Variants in FYTTD1 observed in about 807,000 individuals in gnomAD.
FYTTD1 encodes the protein UAP56-interacting factor.
Under a neutral mutation model 40.9 loss-of-function variants are expected in FYTTD1, and 22 were observed. The observed-to-expected ratio is 0.54, with a 90% CI of 0.38 to 0.77. FYTTD1 has a LOEUF of 0.77. Ranked by LOEUF, FYTTD1 falls within the 30% of genes least tolerant of loss-of-function variation. The pLI is 0.00. For synonymous variants in FYTTD1, 140 were observed against 137.9 expected (o/e 1.01, Z -0.10); for missense variants, 351 against 392.2 (o/e 0.90, Z 0.89).
At chr3:197,749,601 G>T, upstream of FYTTD1, 1 of 1,135,554 alleles carries the variant, frequency 8.8e-7, no homozygotes, top group Non-Finnish European at 1.2e-6. Context: ...GCAGCAGGAG[G>T]GACTCGAAGG....
At position 197,785,737 on chromosome 3, in the gene FYTTD1, C is replaced by T. The variant is rs1252195550; in HGVS notation, c.*3828C>T. The T allele has an allele frequency of 6.6e-6, 1 of 152,072 alleles. No homozygotes were observed. The highest frequency in any genetic ancestry group is 1.5e-5 in the Non-Finnish European group (1 of 68,018). The allele number at this position is 152,072 out of a possible 1,614,324, so 9.4% of individuals were successfully genotyped here. ...TATAAGGAGATAAGAGAAAAAATAG[C>T]TCACTTGGCAGCACAGAAAATGAAT... is the stretch of plus-strand genomic sequence containing the variant. On this transcript the variant is annotated 3_prime_UTR_variant, in exon 9 of 9. Transcript: ENST00000241502.
intron 5 of FYTTD1, 102 bp from the exon 6 acceptor site, chr3:197,774,047 A>G (rs971824225): frequency 5.3e-6 from 5 of 945,858 alleles, no homozygotes; most frequent in Non-Finnish European, 6.9e-6. Flanking sequence ...CGCTGCACTC[A>G]TGTACACGCA....
At chr3:197,759,729 A>G (rs1729316506) in intron 2 of FYTTD1, among the ~76,000 whole-genome samples, 1 of 149,384 alleles carries the variant, frequency 6.7e-6, no homozygotes, top group African/African-American at 2.5e-5. Context: ...GGTAGAACGT[A>G]TAGCGTGTTC....
chr3:197,772,822 T>G (rs1305064394), intron 4 of FYTTD1, among the ~76,000 whole-genome samples: 1 of 152,176 alleles, frequency 6.6e-6, no homozygotes, highest in Non-Finnish European at 1.5e-5. Flanking sequence ...TTACCCAGGC[T>G]GGTCTCAAAC....
chr3:197,772,454 G>C (rs1483815394), intron 4 of FYTTD1, among the ~76,000 whole-genome samples: 1 of 152,128 alleles, frequency 6.6e-6, no homozygotes, highest in East Asian at 1.9e-4. Flanking sequence ...GAAATTAGGT[G>C]CCGCAAACCA....
intron 2 of FYTTD1, among the ~76,000 whole-genome samples, chr3:197,762,122 A>C (rs747841226): frequency 6.6e-6 from 1 of 152,136 alleles, no homozygotes; most frequent in Non-Finnish European, 1.5e-5. Context: ...CTCTCCTGTT[A>C]ATACCATCAC....
intron 2 of FYTTD1, chr3:197,763,450 T>G: frequency 2.6e-6 from 1 of 386,408 alleles, no homozygotes; most frequent in East Asian, 8.2e-5. Context: ...TTAATTGCAG[T>G]AAATATAACC....
chr3:197,781,684 G>T, intron 8 of FYTTD1, 127 bp from the exon 9 acceptor site: 2 of 625,108 alleles, frequency 3.2e-6, no homozygotes, highest in Non-Finnish European at 5.6e-6. Context: ...TAAATATTTA[G>T]GAAATTTTAG....
rs1315065611 is a variant in FYTTD1 at position 197,782,491 on chromosome 3, G to A, written c.*582G>A. ...AGTCCCCTGGAATTACACAGCTTTA[G>A]TGCTGAGCTTTTAACAGGAAATGTG... On this transcript the variant is annotated 3_prime_UTR_variant, in exon 9 of 9. Coordinates refer to ENST00000241502, the MANE Select transcript of FYTTD1 (RefSeq NM_032288.7). 1 of 152,190 alleles carries A rather than the reference G, an allele frequency of 6.6e-6. No homozygotes were observed. The highest frequency in any genetic ancestry group is 1.9e-4 in the East Asian group (1 of 5,200). The allele number at this position is 152,190 out of a possible 1,614,324, so 9.4% of individuals were successfully genotyped here.
chr3:197,751,668 C>G (rs1729059699), intron 1 of FYTTD1, among the ~76,000 whole-genome samples: 1 of 144,894 alleles, frequency 6.9e-6, no homozygotes, highest in South Asian at 2.2e-4. Context: ...GAGAGAGAAA[C>G]CTTTTGAGGT....
intron 1 of FYTTD1, among the ~76,000 whole-genome samples, chr3:197,751,119 A>G (rs1045248733): frequency 2.6e-5 from 4 of 152,154 alleles, no homozygotes; most frequent in African/African-American, 7.2e-5. Context: ...CTTTAGAGTG[A>G]TAACTGTCTT....
rs1484639110 is a variant in FYTTD1 at position 197,786,255 on chromosome 3, A to T, written c.*4346A>T. ...CTCAGCCTCCCAAGTGGCTGGGATT[A>T]CAGGTGCCCACCACCATGCCCAGTT... On this transcript the variant is annotated 3_prime_UTR_variant, in exon 9 of 9. Transcript: ENST00000241502. The T allele has an allele frequency of 1.3e-5, 2 of 152,038 alleles. No individual in the cohort carries two copies. The highest frequency in any genetic ancestry group is 4.8e-5 in the African/African-American group (2 of 41,312). The allele number at this position is 152,038 out of a possible 1,614,324, so 9.4% of individuals were successfully genotyped here. A position where few individuals can be genotyped will look rare whatever the true frequency, so the allele number is the denominator to read the frequency against.
At chr3:197,758,317 A>T (rs1394546694) in intron 2 of FYTTD1, among the ~76,000 whole-genome samples, 1 of 152,228 alleles carries the variant, frequency 6.6e-6, no homozygotes, top group Non-Finnish European at 1.5e-5. Flanking sequence ...TATATTTATT[A>T]ATTAATGTTT....
intron 2 of FYTTD1, 44 bp from the exon 3 acceptor site, chr3:197,768,395 G>T: frequency 6.9e-7 from 1 of 1,450,136 alleles, no homozygotes; most frequent in Non-Finnish European, 9.4e-7. Context: ...CGTCCCAATT[G>T]AATTGTTAAA....
At chr3:197,778,554 G>A in intron 8 of FYTTD1, 90 bp downstream of exon 8, 1 of 876,422 alleles carries the variant, frequency 1.1e-6, no homozygotes, top group Non-Finnish European at 1.7e-6. Context: ...TATAAACAAG[G>A]TATCCTAACT....
At chr3:197,767,252 C>T (rs2109046069) in intron 2 of FYTTD1, among the ~76,000 whole-genome samples, 1 of 152,166 alleles carries the variant, frequency 6.6e-6, no homozygotes, top group Middle Eastern at 3.4e-3. Context: ...CATTCTCCTG[C>T]CTCAGCCTCC....
chr3:197,779,369 C>T (rs1275661381), intron 8 of FYTTD1, among the ~76,000 whole-genome samples: 7 of 151,450 alleles, frequency 4.6e-5, no homozygotes, highest in Non-Finnish European at 7.4e-5. Context: ...GAGCTGAGAT[C>T]GTGCCACTCA....
upstream of FYTTD1, chr3:197,749,603 A>G (rs370772409): frequency 3.7e-5 from 42 of 1,138,236 alleles, no homozygotes; most frequent in African/African-American, 5.7e-4. Context: ...AGCAGGAGGG[A>G]CTCGAAGGAC....
intron 1 of FYTTD1, among the ~76,000 whole-genome samples, chr3:197,751,251 T>C (rs963949710): frequency 1.3e-5 from 2 of 152,234 alleles, no homozygotes; most frequent in Non-Finnish European, 2.9e-5. Context: ...ATTGCCACAG[T>C]CAGAATCCAG....
Sources: gnomAD v4.1 joint callset for allele counts (sites outside exome capture counted in the v4.1 genomes callset) on GRCh38, gnomAD v4.1.1 for gene constraint, MANE v1.5 for transcripts, NCBI Gene and HGNC (gene_info 2026-07-23, HGNC 2026-07-21) for gene names.